The following CSMD1 variants were observed in gnomAD, a reference collection of about 807,000 sequenced individuals.
CSMD1 encodes CUB and Sushi multiple domains 1.
In CSMD1, 213 loss-of-function variants were observed where a neutral mutation model predicts 417.5. The observed-to-expected ratio is 0.51, with a 90% confidence interval of 0.46 to 0.57. The LOEUF (loss-of-function observed/expected upper bound fraction) is 0.57, where lower values mean the gene tolerates loss of function less well. CSMD1 is among the 20% of genes least tolerant of loss of function. CSMD1 has a pLI of 0.00. For missense variants in CSMD1, 6,923 were observed against 4,529.7 expected, an observed-to-expected ratio of 1.53 and a Z score of -15.17; for synonymous variants, 2,862 against 1,736.8, an observed-to-expected ratio of 1.65 and a Z score of -16.11.
At position 3,190,507 on chromosome 8, in the gene CSMD1, C is replaced by T. The variant is rs189010998; in HGVS notation, c.5195-392G>A. On this transcript the variant is annotated intron_variant, in intron 33 of 69. Coordinates refer to ENST00000635120, the MANE Select transcript of CSMD1 (RefSeq NM_033225.6). ...AGTGATAATGAGATGACTAACCATG[C>T]GTACTTGTCCTCACAGGCCTCTGAG... Among the ~76,000 whole-genome samples, 321 of 152,232 alleles carry T rather than the reference C, an allele frequency of 2.1e-3. 2 individuals carry two copies. Among genetic ancestry groups the T allele is most frequent in the African/African-American group, 7.5e-3 (310 of 41,532 alleles).
intron 3 of CSMD1, among the ~76,000 whole-genome samples, chr8:4,400,686 T>C (rs1350144658): frequency 1.3e-5 from 2 of 152,088 alleles, no homozygotes; most frequent in African/African-American, 4.8e-5. Context: ...TCAGGCTAAT[T>C]TGCCTTTTTT....
intron 5 of CSMD1, among the ~76,000 whole-genome samples, chr8:3,888,732 C>T (rs1435022999): frequency 6.6e-6 from 1 of 152,094 alleles, no homozygotes; most frequent in Non-Finnish European, 1.5e-5. Context: ...TTATTGAGTC[C>T]CAGTCTCTGG....
At chr8:3,600,210 C>A (rs563246937) in intron 8 of CSMD1, among the ~76,000 whole-genome samples, 48 of 152,310 alleles carry the variant, frequency 3.2e-4, no homozygotes, top group Admixed American at 2.2e-3. Flanking sequence ...AGGTATCTGT[C>A]TGTCTTTCTC....
intron 1 of CSMD1, among the ~76,000 whole-genome samples, chr8:4,644,887 TGAA>T (rs1309081666): frequency 6.6e-6 from 1 of 152,232 alleles, no homozygotes; most frequent in Admixed American, 6.5e-5. Context: ...ATTCAATTGT[TGAA>T]GCCTGTGGGT....
intron 3 of CSMD1, among the ~76,000 whole-genome samples, chr8:4,207,084 G>A (rs777216221): frequency 6.6e-6 from 1 of 152,100 alleles, no homozygotes; most frequent in Non-Finnish European, 1.5e-5. Flanking sequence ...ATGAATGCCA[G>A]AAAATTAAAG....
chr8:3,355,516 G>C (rs1251240522), intron 21 of CSMD1, among the ~76,000 whole-genome samples: 1 of 152,150 alleles, frequency 6.6e-6, no homozygotes, highest in Non-Finnish European at 1.5e-5. Context: ...TCAGGAATAG[G>C]CATGGGACTC....
At chr8:4,449,130 G>C (rs970613520) in intron 2 of CSMD1, among the ~76,000 whole-genome samples, 2 of 152,156 alleles carry the variant, frequency 1.3e-5, no homozygotes, top group African/African-American at 4.8e-5. Context: ...AGCTAATGAA[G>C]TCTAACCAGA....
chr8:3,994,520 T>G (rs993805010), intron 5 of CSMD1, among the ~76,000 whole-genome samples: 6 of 135,470 alleles, frequency 4.4e-5, no homozygotes, highest in African/African-American at 1.6e-4. Context: ...GCAAGAAAAA[T>G]AATGACTAGA....
chr8:4,596,012 C>A (rs575142054), intron 2 of CSMD1, among the ~76,000 whole-genome samples: 1 of 152,242 alleles, frequency 6.6e-6, no homozygotes, highest in African/African-American at 2.4e-5. Flanking sequence ...CCAGATCCAC[C>A]ACTTGAACAC....
chr8:4,053,459 G>A (rs1214492160), intron 3 of CSMD1, among the ~76,000 whole-genome samples: 2 of 149,860 alleles, frequency 1.3e-5, no homozygotes, highest in Non-Finnish European at 3.0e-5. Context: ...GAACCCTACT[G>A]AAGTTCAAGG....
At chr8:4,155,550 T>C (rs537059271) in intron 3 of CSMD1, among the ~76,000 whole-genome samples, 18 of 152,314 alleles carry the variant, frequency 1.2e-4, no homozygotes, top group East Asian at 3.9e-4. Context: ...TCTTAGGCCA[T>C]GTCTTAGAAC....
intron 1 of CSMD1, among the ~76,000 whole-genome samples, chr8:4,826,686 A>G (rs1245233293): frequency 1.3e-5 from 2 of 152,012 alleles, no homozygotes; most frequent in Non-Finnish European, 2.9e-5. Flanking sequence ...CACTCATTCT[A>G]AGCTCCTTTC....
chr8:4,317,465 C>G (rs1457352614), intron 3 of CSMD1, among the ~76,000 whole-genome samples: 1 of 152,104 alleles, frequency 6.6e-6, no homozygotes, highest in African/African-American at 2.4e-5. Context: ...CTATACGCTG[C>G]CAGTGTAAGG....
At chr8:4,253,984 T>C (rs1803266760) in intron 3 of CSMD1, among the ~76,000 whole-genome samples, 1 of 140,260 alleles carries the variant, frequency 7.1e-6, no homozygotes, top group African/African-American at 2.6e-5. Context: ...TGGTGCGATC[T>C]CGGCTCACTG....
At chr8:4,203,906 G>C (rs1420901010) in intron 3 of CSMD1, among the ~76,000 whole-genome samples, 1 of 152,084 alleles carries the variant, frequency 6.6e-6, no homozygotes, top group East Asian at 1.9e-4. Context: ...TTTGAGGCCA[G>C]CCTGGGAAAT....
chr8:3,878,082 T>C (rs1305450550), intron 5 of CSMD1, among the ~76,000 whole-genome samples: 1 of 152,166 alleles, frequency 6.6e-6, no homozygotes, highest in Admixed American at 6.6e-5. Flanking sequence ...CATTGAACAT[T>C]TGCTATCAGC....
At chr8:4,872,677 C>T (rs1802803428) in intron 1 of CSMD1, among the ~76,000 whole-genome samples, 1 of 152,024 alleles carries the variant, frequency 6.6e-6, no homozygotes, top group Admixed American at 6.6e-5. Context: ...GAGTAGAATT[C>T]ACAATACAAC....
At chr8:4,720,173 T>C (rs1012010455) in intron 1 of CSMD1, among the ~76,000 whole-genome samples, 6 of 150,470 alleles carry the variant, frequency 4.0e-5, no homozygotes, top group Non-Finnish European at 7.4e-5. Flanking sequence ...ATATAACATA[T>C]ATATATATAT....
At chr8:3,421,848 A>G (rs1182555577) in intron 12 of CSMD1, among the ~76,000 whole-genome samples, 3 of 151,504 alleles carry the variant, frequency 2.0e-5, no homozygotes, top group East Asian at 3.9e-4. Context: ...ATATTGGTCA[A>G]TCTGGTTTCT....
Sources: allele counts gnomAD v4.1 joint callset (sites outside exome capture counted in the v4.1 genomes callset), GRCh38; gene constraint gnomAD v4.1.1; transcripts MANE v1.5; gene names NCBI Gene and HGNC (gene_info 2026-07-23, HGNC 2026-07-21).